CHL1: variants seen among roughly 807,000 people sequenced by gnomAD.
The protein encoded by CHL1 is neural cell adhesion molecule L1-like protein.
A neutral mutation model predicts 141.9 loss-of-function variants in CHL1; 96 were observed. That is an observed-to-expected ratio of 0.68 (90% CI 0.57 to 0.80). The LOEUF is 0.80. Among genes scored for constraint, CHL1 ranks in the 30% least tolerant of loss-of-function variants. CHL1 has a pLI of 0.00. For synonymous variants in CHL1, 613 were observed against 502.2 expected, an observed-to-expected ratio of 1.22 and a Z score of -2.95; for missense variants, 1,820 against 1,457.2, an observed-to-expected ratio of 1.25 and a Z score of -4.05.
intron 8 of CHL1, among the ~76,000 whole-genome samples, 174 bp from the exon 9 acceptor site, chr3:344,415 G>T (rs980089265): frequency 3.3e-5 from 5 of 151,814 alleles, no homozygotes; most frequent in African/African-American, 1.2e-4. Flanking sequence ...ATGCTTCATG[G>T]TAAGAGAGAA....
chr3:279,040 G>A (rs1022273352), intron 2 of CHL1, among the ~76,000 whole-genome samples: 4 of 152,130 alleles, frequency 2.6e-5, no homozygotes, highest in Non-Finnish European at 5.9e-5. Context: ...ACGAAAAAGG[G>A]ACCCACAGAA....
At chr3:268,737 T>G (rs1014778629) in intron 2 of CHL1, among the ~76,000 whole-genome samples, 3 of 152,172 alleles carry the variant, frequency 2.0e-5, no homozygotes, top group Non-Finnish European at 4.4e-5. Flanking sequence ...CTTATAGTCT[T>G]GTTAGCATAC....
chr3:342,796 G>A lies in CHL1; in HGVS notation c.680-188G>A, dbSNP rs368742218. On this transcript the variant is annotated intron_variant, in intron 7 of 27. Transcript: ENST00000256509. ...CTATAACTTGAATCTTCTCCACCTG[G>A]ATTCAAGATTAAACTCACTATAATT... Among the ~76,000 whole-genome samples the A allele has an allele frequency of 1.1e-4, 17 of 152,162 alleles. No individual in the cohort carries two copies. In the East Asian group the frequency reaches 2.5e-3, roughly 22 times the overall value.
chr3:360,752 C>G (rs1181976093), intron 12 of CHL1, among the ~76,000 whole-genome samples: 1 of 133,550 alleles, frequency 7.5e-6, no homozygotes, highest in Non-Finnish European at 1.6e-5. Context: ...TCCCCCCACC[C>G]CACAACAGTC....
At position 322,672 on chromosome 3, in the gene CHL1, T is replaced by TG. The variant is rs1220334388; in HGVS notation, c.91+2805_91+2806insG. On this transcript the variant is annotated intron_variant, in intron 3 of 27. Transcript: ENST00000256509. Reference sequence around the variant, plus strand: ...TATATATATATATATATATATATAATTATATATATATATATAAAACGAATA... The same window carrying TG: ...TATATATATATATATATATATATAATGTATATATATATATATAAAACGAATA... Among the ~76,000 whole-genome samples, 692 of 127,848 alleles carry TG rather than the reference T, an allele frequency of 5.4e-3. 8 individuals carry two copies. The highest frequency in any genetic ancestry group is 0.02 in the African/African-American group (652 of 32,550). The allele number at this position is 127,848 out of a possible 152,430, so 83.9% of individuals were successfully genotyped here. A position where few individuals can be genotyped will look rare whatever the true frequency, so the allele number is the denominator to read the frequency against.
At chr3:367,023 T>A (rs1410859416) in intron 15 of CHL1, among the ~76,000 whole-genome samples, 1 of 152,208 alleles carries the variant, frequency 6.6e-6, no homozygotes, top group Non-Finnish European at 1.5e-5. Flanking sequence ...CACCTTTGAG[T>A]CTTCCAAACT....
In CHL1 at chr3:399,005, T is replaced by C; in HGVS notation, c.3254-12T>C. 6.2e-7 allele frequency: 1 copy of C among 1,612,250 alleles called. No individual in the cohort carries two copies. The highest frequency in any genetic ancestry group is 8.5e-7 in the Non-Finnish European group (1 of 1,178,770). ...CTAGTTTACAATGCTGTGACTTCTC[T>C]TTCTACCACAGAATATGCTGGTTTA... On this transcript the variant is annotated splice_polypyrimidine_tract_variant and intron_variant, in intron 25 of 27. Transcript: ENST00000256509.
chr3:382,700 AC>A lies in CHL1; in HGVS notation c.2176+30del, dbSNP rs771097276. 3 of 1,592,438 alleles carry A rather than the reference AC, an allele frequency of 1.9e-6. No individual in the cohort carries two copies. In the African/African-American group the frequency reaches 4.0e-5, roughly 21 times the overall value. ...TGCAGGTTCTCACATCAGGTTTCTA[AC>A]AAAATATTTGTTTGTCCCCATCTTT... On this transcript the variant is annotated intron_variant, in intron 18 of 27. Coordinates refer to ENST00000256509, the MANE Select transcript of CHL1 (RefSeq NM_006614.4).
At chr3:388,812 C>T (rs1471317017) in intron 19 of CHL1, among the ~76,000 whole-genome samples, 1 of 152,168 alleles carries the variant, frequency 6.6e-6, no homozygotes, top group Non-Finnish European at 1.5e-5. Context: ...AGAAAGAGTT[C>T]TCTTCAAAAA....
intron 5 of CHL1, among the ~76,000 whole-genome samples, chr3:329,536 G>T (rs1417546098): frequency 6.6e-6 from 1 of 151,608 alleles, no homozygotes; most frequent in Non-Finnish European, 1.5e-5. Flanking sequence ...TAAGAAAATA[G>T]TATTATCACA....
At chr3:385,777 G>T (rs1447835502) in intron 19 of CHL1, 1 of 145,442 alleles carries the variant, frequency 6.9e-6, no homozygotes, top group African/African-American at 2.5e-5. Context: ...ACAGTGAGTT[G>T]AGATCATGCC....
chr3:390,700 G>T lies in CHL1; in HGVS notation c.2471-1G>T. ...ACTAATCAATCTTCTATGATTAACAGATCCTGATACAGCTCCAGTGATCCA... is the reference window on the plus strand; with the variant it reads ...ACTAATCAATCTTCTATGATTAACATATCCTGATACAGCTCCAGTGATCCA... On this transcript the variant is annotated splice_acceptor_variant, in intron 20 of 27. Transcript: ENST00000256509. LOFTEE classifies it high-confidence loss of function. The T allele has an allele frequency of 6.5e-7, 1 of 1,529,056 alleles. No individual in the cohort carries two copies. The highest frequency in any genetic ancestry group is 9.1e-7 in the Non-Finnish European group (1 of 1,103,508). 94.7% of individuals were successfully genotyped at this position (1,529,056 alleles called of 1,614,324 possible).
At chr3:261,453 A>G (rs1017175036) in intron 2 of CHL1, among the ~76,000 whole-genome samples, 1 of 152,166 alleles carries the variant, frequency 6.6e-6, no homozygotes, top group African/African-American at 2.4e-5. Flanking sequence ...AAATAAGGCC[A>G]GTTGCTACTT....
intron 1 of CHL1, among the ~76,000 whole-genome samples, chr3:198,591 A>C (rs762618861): frequency 9.2e-5 from 14 of 152,198 alleles, no homozygotes; most frequent in Non-Finnish European, 1.5e-4. Context: ...GGGTTGTTGC[A>C]AGACTGGAAT....
intron 3 of CHL1, among the ~76,000 whole-genome samples, chr3:320,359 C>G (rs1437094122): frequency 2.0e-5 from 3 of 151,958 alleles, no homozygotes; most frequent in Non-Finnish European, 4.4e-5. Context: ...ATGATATGAA[C>G]TCTCAAAATT....
intron 1 of CHL1, among the ~76,000 whole-genome samples, chr3:205,088 T>C (rs1699290287): frequency 7.5e-6 from 1 of 134,092 alleles, no homozygotes; most frequent in Non-Finnish European, 1.6e-5. Context: ...TCTTTTTCCT[T>C]TTTCTTTCTT....
intron 2 of CHL1, among the ~76,000 whole-genome samples, chr3:301,439 AC>A (rs1485539593): frequency 6.6e-6 from 1 of 152,166 alleles, no homozygotes; most frequent in Non-Finnish European, 1.5e-5. Context: ...GGCTGTTCTG[AC>A]CCAATAAACA....
In CHL1 at chr3:405,585, C is replaced by A; in HGVS notation, c.3549C>A (p.Tyr1183Ter). The A allele has an allele frequency of 3.7e-6, 6 of 1,613,254 alleles. No individual in the cohort carries two copies. Among genetic ancestry groups the A allele is most frequent in the Non-Finnish European group, 5.1e-6 (6 of 1,179,402 alleles). ...PTESADSLVE[Y>*]GEGDHGLFSE... is the part of the protein sequence containing the mutation. The stretch of plus-strand genomic sequence containing the variant: ...AAAGTGCTGACAGCTTAGTCGAATA[C>A]GGAGAGGGAGACCATGGTCTCTTCA... The change falls in exon 28 of 28, where the codon TAC becomes TAA. Residue 1183 changes from tyrosine to a stop codon, truncating the protein, a stop_gained. Coordinates refer to ENST00000256509, the MANE Select transcript of CHL1 (RefSeq NM_006614.4). LOFTEE classifies it low-confidence loss of function (END_TRUNC).
In CHL1 at chr3:354,410, T is replaced by C. The variant is rs553794865; in HGVS notation, c.1034-230T>C. ...TTTCAGTATGTTGATGTATGATACA[T>C]GCTGAGTCCAAATTAAACACAAGCA... is the stretch of plus-strand genomic sequence containing the variant. On this transcript the variant is annotated intron_variant, in intron 10 of 27. Transcript: ENST00000256509. Among the ~76,000 whole-genome samples the C allele has an allele frequency of 1.6e-3, 228 of 138,334 alleles. 1 individual carries two copies. The highest frequency in any genetic ancestry group is 3.6e-3 in the Middle Eastern group (1 of 274). The allele number at this position is 138,334 out of a possible 152,430, so 90.8% of individuals were successfully genotyped here. A position where few individuals can be genotyped will look rare whatever the true frequency, so the allele number is the denominator to read the frequency against.
Sources: allele counts gnomAD v4.1 joint callset (sites outside exome capture counted in the v4.1 genomes callset), GRCh38; gene constraint gnomAD v4.1.1; transcripts MANE v1.5; gene names NCBI Gene and HGNC (gene_info 2026-07-23, HGNC 2026-07-21).